Variants in CDK14 observed in about 807,000 individuals in gnomAD.
CDK14 encodes cyclin dependent kinase 14.
Under a neutral mutation model 60.7 loss-of-function variants are expected in CDK14, and 34 were observed. That is an observed-to-expected ratio of 0.56 (90% CI 0.43 to 0.75). CDK14 has a LOEUF of 0.75. Ranked by LOEUF, CDK14 falls within the 30% of genes least tolerant of loss-of-function variation. CDK14 has a pLI of 0.00. For missense variants in CDK14, 482 were observed against 564.1 expected, an observed-to-expected ratio of 0.85 and a Z score of 1.47; for synonymous variants, 197 against 203.7, an observed-to-expected ratio of 0.97 and a Z score of 0.28.
At chr7:90,846,147 T>C (rs1790464310) in intron 5 of CDK14, among the ~76,000 whole-genome samples, 1 of 152,186 alleles carries the variant, frequency 6.6e-6, no homozygotes, top group Admixed American at 6.5e-5. Flanking sequence ...TCTGTGACTC[T>C]TCTTCTTCCC....
At chr7:91,024,821 A>T (rs886404037) in intron 10 of CDK14, among the ~76,000 whole-genome samples, 1 of 152,156 alleles carries the variant, frequency 6.6e-6, no homozygotes, top group East Asian at 1.9e-4. Context: ...AGTATAGCTA[A>T]TTAGTTCAGC....
At position 90,820,048 on chromosome 7, in the gene CDK14, C is replaced by T. The variant is rs534091780; in HGVS notation, c.544+29396C>T. Among the ~76,000 whole-genome samples the T allele has an allele frequency of 5.9e-5, 9 of 152,162 alleles. No individual in the cohort carries two copies. The South Asian group carries it at 1.9e-3, about 32-fold the overall frequency. On this transcript the variant is annotated intron_variant, in intron 5 of 14. Coordinates refer to ENST00000380050, the MANE Select transcript of CDK14 (RefSeq NM_001287135.2). ...ATTCCTGAGGTTTTTGCGCCCCCAA[C>T]CCCACTTTTTTGTATTTGAAGTTCC...
intron 4 of CDK14, among the ~76,000 whole-genome samples, chr7:90,776,926 C>A (rs1805072389): frequency 6.6e-6 from 1 of 152,032 alleles, no homozygotes; most frequent in African/African-American, 2.4e-5. Context: ...ATTCCCCTTG[C>A]ACGCTCTTCT....
chr7:90,668,596 T>C lies in CDK14; in HGVS notation c.124-57971T>C, dbSNP rs954406381. On this transcript the variant is annotated intron_variant, in intron 2 of 14. Coordinates refer to ENST00000380050, the MANE Select transcript of CDK14 (RefSeq NM_001287135.2). ...GTTGTCTAATCTGAGATCAGATAGA[T>C]TTATCTCTTTATTTTCTTCTGAGAG... Among the ~76,000 whole-genome samples, 5 of 148,510 alleles carry C rather than the reference T, an allele frequency of 3.4e-5. No homozygotes were observed. In the Admixed American group the frequency reaches 3.4e-4, roughly 10 times the overall value.
At chr7:90,938,391 C>T (rs1793817715) in intron 8 of CDK14, among the ~76,000 whole-genome samples, 2 of 152,312 alleles carry the variant, frequency 1.3e-5, no homozygotes, top group South Asian at 4.1e-4. Flanking sequence ...ACCTTCTGAA[C>T]ATGTGGCCTT....
At chr7:90,621,776 A>C (rs1799775827) in intron 2 of CDK14, among the ~76,000 whole-genome samples, 1 of 151,652 alleles carries the variant, frequency 6.6e-6, no homozygotes, top group Admixed American at 6.6e-5. Context: ...TTCTGTATGG[A>C]CCTTATTTAA....
chr7:91,037,800 C>G (rs1796977220), intron 10 of CDK14, among the ~76,000 whole-genome samples: 1 of 152,240 alleles, frequency 6.6e-6, no homozygotes, highest in African/African-American at 2.4e-5. Context: ...CCCAGACGCT[C>G]TTCTCTGAAT....
chr7:90,764,456 A>G (rs1354526211), intron 4 of CDK14, among the ~76,000 whole-genome samples: 2 of 152,208 alleles, frequency 1.3e-5, no homozygotes, highest in Non-Finnish European at 2.9e-5. Context: ...AAATGCTCCC[A>G]GTCTATTTAG....
intron 6 of CDK14, among the ~76,000 whole-genome samples, chr7:90,875,576 T>C (rs1216656809): frequency 6.6e-6 from 1 of 152,208 alleles, no homozygotes; most frequent in Non-Finnish European, 1.5e-5. Flanking sequence ...ATAGTGAGTT[T>C]GTCTTGTGTT....
At chr7:90,661,094 G>A (rs1243412792) in intron 2 of CDK14, among the ~76,000 whole-genome samples, 1 of 152,176 alleles carries the variant, frequency 6.6e-6, no homozygotes, top group African/African-American at 2.4e-5. Context: ...ATTCCCCAGT[G>A]ATTCTGAAAA....
At chr7:90,999,803 A>G (rs1012581143) in intron 10 of CDK14, among the ~76,000 whole-genome samples, 2 of 152,232 alleles carry the variant, frequency 1.3e-5, no homozygotes, top group African/African-American at 4.8e-5. Context: ...AGCAACTTTT[A>G]ATAGAAAATA....
intron 14 of CDK14, among the ~76,000 whole-genome samples, chr7:91,145,890 T>C (rs997778221): frequency 6.6e-6 from 1 of 151,938 alleles, no homozygotes; most frequent in Admixed American, 6.6e-5. Context: ...ACAAGCCCTT[T>C]AAACTTCAAA....
At chr7:91,183,277 A>G (rs142076551) in intron 14 of CDK14, among the ~76,000 whole-genome samples, 14 of 152,310 alleles carry the variant, frequency 9.2e-5, no homozygotes, top group Admixed American at 2.6e-4. Flanking sequence ...TTTACTACAC[A>G]GTCATATAAG....
At chr7:90,922,694 C>T (rs1358238532) in intron 8 of CDK14, among the ~76,000 whole-genome samples, 5 of 152,118 alleles carry the variant, frequency 3.3e-5, no homozygotes, top group Admixed American at 2.6e-4. Flanking sequence ...ATATCCTGCT[C>T]ATCTCCTCAA....
chr7:90,777,360 T>C (rs1440488690), intron 4 of CDK14, among the ~76,000 whole-genome samples: 2 of 152,214 alleles, frequency 1.3e-5, no homozygotes, highest in East Asian at 3.8e-4. Flanking sequence ...TTGAAAAACT[T>C]TTGAATGTTT....
intron 11 of CDK14, among the ~76,000 whole-genome samples, chr7:91,071,855 C>T (rs1798158716): frequency 6.6e-6 from 1 of 152,194 alleles, no homozygotes; most frequent in Admixed American, 6.5e-5. Context: ...TGGCTTGGTC[C>T]CAAGAGGGAT....
At chr7:91,153,347 T>G (rs1800877931) in intron 14 of CDK14, among the ~76,000 whole-genome samples, 1 of 152,260 alleles carries the variant, frequency 6.6e-6, no homozygotes, top group Admixed American at 6.5e-5. Context: ...CTCAAGGAGC[T>G]AAAAGCAGAA....
At chr7:91,129,259 C>T (rs1377257658) in intron 14 of CDK14, among the ~76,000 whole-genome samples, 1 of 152,180 alleles carries the variant, frequency 6.6e-6, no homozygotes, top group East Asian at 1.9e-4. Flanking sequence ...CTGCTGGCTC[C>T]TTAGCATGAA....
intron 14 of CDK14, among the ~76,000 whole-genome samples, chr7:91,123,361 T>G (rs1799841030): frequency 6.6e-6 from 1 of 152,132 alleles, no homozygotes; most frequent in African/African-American, 2.4e-5. Context: ...ATTATTTCTG[T>G]TATCTCATGT....
Sources: gnomAD v4.1 joint callset for allele counts (sites outside exome capture counted in the v4.1 genomes callset) on GRCh38, gnomAD v4.1.1 for gene constraint, MANE v1.5 for transcripts, NCBI Gene and HGNC (gene_info 2026-07-23, HGNC 2026-07-21) for gene names.